HJV: variants seen among roughly 807,000 people sequenced by gnomAD.
The protein encoded by HJV is hemojuvelin BMP co-receptor, also known as hemojuvelin.
A neutral mutation model predicts 22.7 loss-of-function variants in HJV; 18 were observed. That is an observed-to-expected ratio of 0.79 (90% CI 0.55 to 1.18). The LOEUF is 1.18. HJV is among the 50% of genes most tolerant of loss of function. The probability of loss-of-function intolerance (pLI) is 0.00; values close to 1 mark genes in which losing one functional copy is unlikely to be tolerated. For missense variants in HJV, 572 were observed against 553.0 expected (o/e 1.03, Z -0.34); for synonymous variants, 229 against 222.7 (o/e 1.03, Z -0.25).
At position 146,018,539 on chromosome 1, in the gene HJV, A is replaced by G. The variant is rs781912449; in HGVS notation, c.819T>C (p.His273=). Residue 273 remains histidine (H), a synonymous_variant, in exon 4 of 4, where the codon CAT becomes CAC. Coordinates refer to ENST00000336751, the MANE Select transcript of HJV (RefSeq NM_213653.4). ...LSIQTANPGN[H]VEIQAAYIGT... ...CAATGTAGGCAGCTTGGATCTCCACATGGTTCCCAGGGTTAGCAGTTTGAA... is the reference window on the plus strand; with the variant it reads ...CAATGTAGGCAGCTTGGATCTCCACGTGGTTCCCAGGGTTAGCAGTTTGAA... 2.5e-6 allele frequency: 4 copies of G among 1,614,046 alleles called. No homozygotes were observed. The South Asian group carries it at 3.3e-5, about 13-fold the overall frequency.
chr1:146,019,061 T>G, intron 3 of HJV, 114 bp downstream of exon 3: 1 of 927,998 alleles, frequency 1.1e-6, no homozygotes, highest in Non-Finnish European at 1.8e-6. Flanking sequence ...GGGGGAGAGG[T>G]TGAGGAAGAA....
rs782740031 is a variant in HJV, at chr1:146,018,666, A to G, written c.692T>C (p.Ile231Thr). 3.1e-6 allele frequency: 5 copies of G among 1,614,064 alleles called. No homozygotes were observed. In the Admixed American group the frequency reaches 5.0e-5, roughly 16 times the overall value. ...TIIFKNMQEC[I>T]DQKVYQAEVD... ...CTCAGCCTGATACACCTTCTGATCAATGCATTCCTGCATGTTCTTAAATAT... is the reference window on the plus strand; with the variant it reads ...CTCAGCCTGATACACCTTCTGATCAGTGCATTCCTGCATGTTCTTAAATAT... Residue 231 changes from isoleucine (I) to threonine (T), a missense_variant, in exon 4 of 4, where the codon ATT (isoleucine) becomes ACT (threonine). Coordinates refer to ENST00000336751, the MANE Select transcript of HJV (RefSeq NM_213653.4).
In HJV at chr1:146,019,517, C is replaced by T. The variant is rs1652577982; in HGVS notation, c.315G>A (p.Ser105=). ...TCAGGTCTTCGATGCCATGTACCGC[C>T]GAATGGAAGGCGAGGTCCCCGCGGC... The part of the protein sequence containing the change: ...RTCRGDLAFH[S]AVHGIEDLMI... Residue 105 remains serine, a synonymous_variant, in exon 3 of 4, where the codon TCG becomes TCA. Coordinates refer to ENST00000336751, the MANE Select transcript of HJV (RefSeq NM_213653.4). The T allele has an allele frequency of 6.2e-7, 1 of 1,612,962 alleles. No homozygotes were observed. Among genetic ancestry groups the T allele is most frequent in the Non-Finnish European group, 8.5e-7 (1 of 1,179,916 alleles).
Position 146,019,215 on chromosome 1 carries a change from G to A in HJV, c.617C>T (p.Ser206Phe). 2 of 1,614,162 alleles carry A rather than the reference G, an allele frequency of 1.2e-6. No homozygotes were observed. Among genetic ancestry groups the A allele is most frequent in the South Asian group, 1.1e-5 (1 of 91,084 alleles). The change falls in exon 3 of 4, where the codon TCC becomes TTC. Residue 206 changes from serine to phenylalanine, a missense_variant. Transcript: ENST00000336751. The stretch of plus-strand genomic sequence containing the variant: ...AGCGTTGGCCCCCAACGCCATGGGG[G>A]AGCTGGTGGCTTGGACAAAGAGGAA... Reference protein sequence around the residue: ...NDFLFVQATSSPMALGANATA... With the variant: ...NDFLFVQATSFPMALGANATA...
chr1:146,018,760 G>C, intron 3 of HJV, 60 bp from the exon 4 acceptor site: 1 of 1,550,026 alleles, frequency 6.5e-7, no homozygotes, highest in South Asian at 1.1e-5. Flanking sequence ...CCCCCAATCA[G>C]ACCTCATACA....
Position 146,020,281 on chromosome 1 carries a change from C to T in HJV, c.-50G>A, listed in dbSNP as rs372872468. 19 of 1,188,044 alleles carry T rather than the reference C, an allele frequency of 1.6e-5. No homozygotes were observed. The highest frequency in any genetic ancestry group is 2.3e-5 in the East Asian group (1 of 42,922). 73.6% of individuals were successfully genotyped at this position (1,188,044 alleles called of 1,614,324 possible). ...CGCCGGTTCTTCCCAGCTGATGACC[C>T]TCCTACCTAGTGAATTTTGACCGGA... On this transcript the variant is annotated 5_prime_UTR_variant, in exon 2 of 4. Transcript: ENST00000336751.
Position 146,018,039 on chromosome 1 carries a change from A to G in HJV, c.*38T>C, listed in dbSNP as rs374663290. ...TTCTTCTATGCCAATCTGTATCTCC[A>G]AATCATTTCCAAACTAGTAATGGGA... On this transcript the variant is annotated 3_prime_UTR_variant, in exon 4 of 4. Coordinates refer to ENST00000336751, the MANE Select transcript of HJV (RefSeq NM_213653.4). 1.9e-6 allele frequency: 3 copies of G among 1,608,872 alleles called. No homozygotes were observed. Among genetic ancestry groups the G allele is most frequent in the Non-Finnish European group, 1.7e-6 (2 of 1,175,862 alleles).
At position 146,021,707 on chromosome 1, in the gene HJV, G is replaced by A. The variant is rs1257188576; in HGVS notation, c.-210C>T. 6.5e-6 allele frequency: 1 copy of A among 152,738 alleles called. No individual in the cohort carries two copies. Among genetic ancestry groups the A allele is most frequent in the Non-Finnish European group, 1.5e-5 (1 of 68,160 alleles). 9.5% of individuals were successfully genotyped at this position (152,738 alleles called of 1,614,324 possible). A position where few individuals can be genotyped will look rare whatever the true frequency, so the allele number is the denominator to read the frequency against. ...CCCCCAGGTCCCCAGGCCGGCTGCT[G>A]TCTCACTGAGGTCAGGGAACCAGAG... On this transcript the variant is annotated 5_prime_UTR_variant, in exon 1 of 4. Transcript: ENST00000336751.
At position 146,019,428 on chromosome 1, in the gene HJV, AGGGCGGGGCCCCG is replaced by A. The variant is rs1486905702; in HGVS notation, c.391_403del (p.Arg131PhefsTer111). On this transcript the variant is annotated frameshift_variant, in exon 3 of 4. Coordinates refer to ENST00000336751, the MANE Select transcript of HJV (RefSeq NM_213653.4). LOFTEE classifies it high-confidence loss of function. Reference sequence around the variant, plus strand: ...AGGGAGGCCGGAGCCCGCGCCTGGAAGGGCGGGGCCCCGGGGCGGGGGAGGGGCTGTAGGGCCC... The same window carrying A: ...AGGGAGGCCGGAGCCCGCGCCTGGAAGGGCGGGGGAGGGGCTGTAGGGCCC... The A allele has an allele frequency of 1.9e-6, 3 of 1,612,174 alleles. No homozygotes were observed. The highest frequency in any genetic ancestry group is 1.3e-5 in the African/African-American group (1 of 75,022).
rs1553769921 is a variant in HJV, at chr1:146,020,265, T to G, written c.-34A>C. 7.2e-7 allele frequency: 1 copy of G among 1,395,460 alleles called. No homozygotes were observed. The highest frequency in any genetic ancestry group is 1.7e-5 in the Admixed American group (1 of 59,724). The allele number at this position is 1,395,460 out of a possible 1,614,324, so 86.4% of individuals were successfully genotyped here. On this transcript the variant is annotated 5_prime_UTR_variant, in exon 2 of 4. Coordinates refer to ENST00000336751, the MANE Select transcript of HJV (RefSeq NM_213653.4). ...AGCCAGGTTTCCCAGGCGCCGGTTC[T>G]TCCCAGCTGATGACCCTCCTACCTA...
Position 146,018,629 on chromosome 1 carries a change from A to T in HJV, c.729T>A (p.Leu243=). ...TAGAACCATCTTCAAAGGCTACAGG[A>T]AGATTATCCACCTCAGCCTGATACA... The part of the protein sequence containing the change: ...QKVYQAEVDN[L]PVAFEDGSIN... Residue 243 remains leucine (L), a synonymous_variant, in exon 4 of 4, where the codon CTT becomes CTA. Coordinates refer to ENST00000336751, the MANE Select transcript of HJV (RefSeq NM_213653.4). The T allele has an allele frequency of 6.2e-7, 1 of 1,614,150 alleles. No individual in the cohort carries two copies. Among genetic ancestry groups the T allele is most frequent in the Non-Finnish European group, 8.5e-7 (1 of 1,179,962 alleles).
At chr1:146,019,859 G>A in intron 2 of HJV, 125 bp from the exon 3 acceptor site, 16 of 1,453,032 alleles carry the variant, frequency 1.1e-5, no homozygotes, top group Non-Finnish European at 1.5e-5. Context: ...CTAACTAAGG[G>A]CCTTCCCCAG....
At chr1:146,018,767 T>A in intron 3 of HJV, 67 bp from the exon 4 acceptor site, 1 of 1,510,502 alleles carries the variant, frequency 6.6e-7, no homozygotes, top group Non-Finnish European at 9.2e-7. Context: ...TCAGACCTCA[T>A]ACATAGTTAG....
At chr1:146,019,768 C>T (rs368877808) in intron 2 of HJV, 34 bp from the exon 3 acceptor site, 1 of 1,613,846 alleles carries the variant, frequency 6.2e-7, no homozygotes, top group Non-Finnish European at 8.5e-7. Flanking sequence ...GTGAGACGGT[C>T]CTCAGACCTC....
chr1:146,019,065 G>C, intron 3 of HJV, 110 bp downstream of exon 3: 1 of 962,160 alleles, frequency 1.0e-6, no homozygotes, highest in East Asian at 2.4e-5. Context: ...GAGAGGTTGA[G>C]GAAGAAAAGG....
At chr1:146,021,369 G>C (rs1325258758) in intron 1 of HJV, among the ~76,000 whole-genome samples, 1 of 152,188 alleles carries the variant, frequency 6.6e-6, no homozygotes, top group African/African-American at 2.4e-5. Flanking sequence ...AGAGGGCTAA[G>C]ACTGCCAGAG....
chr1:146,017,976 T>A lies in HJV; in HGVS notation c.*101A>T. 7.9e-7 allele frequency: 1 copy of A among 1,271,430 alleles called. No individual in the cohort carries two copies. Among genetic ancestry groups the A allele is most frequent in the South Asian group, 1.3e-5 (1 of 79,896 alleles). 78.8% of individuals were successfully genotyped at this position (1,271,430 alleles called of 1,614,324 possible). A position where few individuals can be genotyped will look rare whatever the true frequency, so the allele number is the denominator to read the frequency against. The stretch of plus-strand genomic sequence containing the variant: ...CTCTGGATAATGTCATTGTTTCACG[T>A]GTCTCCTAGGCCCTGCTTCCTTTAA... On this transcript the variant is annotated 3_prime_UTR_variant, in exon 4 of 4. Transcript: ENST00000336751.
intron 3 of HJV, 46 bp from the exon 4 acceptor site, chr1:146,018,746 C>A: frequency 6.2e-7 from 1 of 1,602,340 alleles, no homozygotes; most frequent in Non-Finnish European, 8.5e-7. Context: ...TTCAGTGCAT[C>A]TTCCCCCCAA....
At position 146,018,129 on chromosome 1, in the gene HJV, A is replaced by T; in HGVS notation, c.1229T>A (p.Leu410His). ...GAGCCCAGAAAGGAGTGGAGCTAAG[A>T]GGGTTGCTGAGGAAAGAGGAACCCC... Reference protein sequence around the residue: ...DAGVPLSSATLLAPLLSGLFV... With the variant: ...DAGVPLSSATHLAPLLSGLFV... Residue 410 changes from leucine to histidine, a missense_variant, in exon 4 of 4, where the codon CTC becomes CAC. Transcript: ENST00000336751. The T allele has an allele frequency of 6.2e-7, 1 of 1,614,190 alleles. No individual in the cohort carries two copies. The highest frequency in any genetic ancestry group is 8.5e-7 in the Non-Finnish European group (1 of 1,180,016).
Sources: gnomAD v4.1 joint callset for allele counts (sites outside exome capture counted in the v4.1 genomes callset) on GRCh38, gnomAD v4.1.1 for gene constraint, MANE v1.5 for transcripts, NCBI Gene and HGNC (gene_info 2026-07-23, HGNC 2026-07-21) for gene names.